POM121: variants seen among roughly 807,000 people sequenced by gnomAD.
POM121 encodes the protein nuclear envelope pore membrane protein POM 121.
In POM121, 32 loss-of-function variants were observed where a neutral mutation model predicts 81.3. The observed-to-expected ratio is 0.39, with a 90% CI of 0.30 to 0.53. The LOEUF (loss-of-function observed/expected upper bound fraction) is 0.53, where lower values mean the gene tolerates loss of function less well. POM121 is among the 20% of genes least tolerant of loss of function. POM121 has a pLI of 0.66. For synonymous variants in POM121, 514 were observed against 694.2 expected (o/e 0.74, Z 4.08); for missense variants, 1,138 against 1,614.6 (o/e 0.70, Z 5.06).
upstream of POM121, among the ~76,000 whole-genome samples, chr7:72,923,602 T>C (rs1338672159): frequency 7.5e-6 from 1 of 133,488 alleles, no homozygotes; most frequent in African/African-American, 2.8e-5. Flanking sequence ...TTTTTTTTTT[T>C]TTTTTTTTTT....
At chr7:72,900,979 C>T (rs1792569478) in intron 3 of POM121, among the ~76,000 whole-genome samples, 1 of 150,850 alleles carries the variant, frequency 6.6e-6, no homozygotes. Context: ...CTGCATCTCA[C>T]AGAATTTGGC....
In POM121 at chr7:72,942,275, C is replaced by G. The variant is rs1554501449; in HGVS notation, c.2282C>G (p.Pro761Arg). Residue 761 changes from proline to arginine, a missense_variant, in exon 11 of 13, where the codon CCC becomes CGC. Physicochemically the swap from Pro to Arg is moderately radical, Grantham distance 103 (BLOSUM62 -2). Coordinates refer to ENST00000434423, the MANE Select transcript of POM121 (RefSeq NM_001387691.1). Reference protein sequence around the residue: ...TATAPSSSSLPTTTSTTAPTF... With the variant: ...TATAPSSSSLRTTTSTTAPTF... ...ACAGCGCCCTCCAGCTCCTCCCTCC[C>G]CACGACCACCAGCACCACAGCCCCG... 3.1e-6 allele frequency: 5 copies of G among 1,608,064 alleles called. No homozygotes were observed. The South Asian group carries it at 3.3e-5, about 11-fold the overall frequency.
At chr7:72,902,116 AAAAC>A (rs1792715674) in intron 3 of POM121, among the ~76,000 whole-genome samples, 1 of 151,946 alleles carries the variant, frequency 6.6e-6, no homozygotes, top group African/African-American at 2.4e-5. Context: ...CATGAAAAAA[AAAAC>A]AAAAAACAAA....
At chr7:72,879,744 C>T in exon 1 of POM121, 1 of 477,332 alleles carries the variant, frequency 2.1e-6, no homozygotes, top group Non-Finnish European at 4.1e-6. Flanking sequence ...GCCCCGTAGG[C>T]CCGGCCCGGG....
rs1354088149 is a variant in POM121 at position 72,940,589 on chromosome 7, G to GA, written c.1666+79dup. 7.4e-4 allele frequency: 426 copies of GA among 579,468 alleles called. 3 individuals are homozygous for GA. In the African/African-American group the frequency reaches 7.8e-3, roughly 11 times the overall value. The allele number at this position is 579,468 out of a possible 1,614,324, so 35.9% of individuals were successfully genotyped here. A position where few individuals can be genotyped will look rare whatever the true frequency, so the allele number is the denominator to read the frequency against. On this transcript the variant is annotated intron_variant, in intron 9 of 12. Transcript: ENST00000434423. ...TTTCTTTGGTTTTATTTTGGTGTTT[G>GA]AAAAAATGGGTTTCTCTGGGAAAAT...
At chr7:72,950,780 G>A (rs1797983628), downstream of POM121, 1 of 61,080 alleles carries the variant, frequency 1.6e-5, no homozygotes. Flanking sequence ...ACAAGCAGCC[G>A]TTCTCTGCTA....
At chr7:72,898,006 AAG>A (rs1792142820) in intron 3 of POM121, among the ~76,000 whole-genome samples, 1 of 152,148 alleles carries the variant, frequency 6.6e-6, no homozygotes, top group African/African-American at 2.4e-5. Flanking sequence ...GCAACAGAGC[AAG>A]ACCCTGTCTA....
intron 11 of POM121, among the ~76,000 whole-genome samples, chr7:72,945,189 G>T (rs376208786): frequency 3.9e-5 from 6 of 152,004 alleles, no homozygotes; most frequent in African/African-American, 1.5e-4. Context: ...CAAAAGACGC[G>T]GGACGGACAA....
Position 72,925,634 on chromosome 7 carries a change from G to A in POM121, c.513G>A (p.Ala171=), listed in dbSNP as rs1795340812. ...GCCGCCGCCCACCTGCCCGCCCGGC[G>A]CCGCGCTCCCCACCGCCGCGCTCCC... ...RPGRRPPARP[A]PRSPPPRSPP... Residue 171 remains alanine (A), a synonymous_variant, in exon 1 of 13, where the codon GCG becomes GCA. Coordinates refer to ENST00000434423, the MANE Select transcript of POM121 (RefSeq NM_001387691.1). 9 of 1,043,206 alleles carry A rather than the reference G, an allele frequency of 8.6e-6. No homozygotes were observed. In the East Asian group the frequency reaches 3.1e-4, roughly 36 times the overall value. The allele number at this position is 1,043,206 out of a possible 1,614,324, so 64.6% of individuals were successfully genotyped here. A position where few individuals can be genotyped will look rare whatever the true frequency, so the allele number is the denominator to read the frequency against.
chr7:72,921,222 C>T (rs185786098), upstream of POM121, among the ~76,000 whole-genome samples: 3 of 152,162 alleles, frequency 2.0e-5, no homozygotes, highest in African/African-American at 7.2e-5. Flanking sequence ...AAAAGACTAC[C>T]TCATCCAGAA....
chr7:72,879,499 G>T, exon 1 of POM121: 2 of 250,358 alleles, frequency 8.0e-6, no homozygotes, highest in South Asian at 7.1e-5. Context: ...GAGCTGTGCG[G>T]CCCAGGGTTC....
At chr7:72,920,859 G>C (rs1368485832), upstream of POM121, among the ~76,000 whole-genome samples, 15 of 152,074 alleles carry the variant, frequency 9.9e-5, no homozygotes, top group African/African-American at 3.6e-4. Flanking sequence ...TTTCCAGTCT[G>C]ACTTGTGGTG....
chr7:72,893,790 C>T (rs1200210331), intron 3 of POM121, among the ~76,000 whole-genome samples: 9 of 152,114 alleles, frequency 5.9e-5, no homozygotes, highest in Admixed American at 1.3e-4. Context: ...CATCTTCATC[C>T]CTACTTACTG....
At chr7:72,894,679 G>GAGAA in intron 3 of POM121, among the ~76,000 whole-genome samples, 1 of 139,070 alleles carries the variant, frequency 7.2e-6, no homozygotes, top group Non-Finnish European at 1.6e-5. Context: ...GAGAGAGAGA[G>GAGAA]AGATCTCCGT....
At chr7:72,904,290 T>G (rs1272620977) in intron 3 of POM121, among the ~76,000 whole-genome samples, 1 of 152,190 alleles carries the variant, frequency 6.6e-6, no homozygotes, top group African/African-American at 2.4e-5. Context: ...TACCCGAATT[T>G]CCCATAGAAA....
intron 3 of POM121, among the ~76,000 whole-genome samples, chr7:72,902,364 G>A (rs1193897937): frequency 3.4e-5 from 5 of 148,282 alleles, no homozygotes; most frequent in Non-Finnish European, 7.4e-5. Context: ...CTGGGTTCAA[G>A]CAATACTCCT....
At chr7:72,880,193 C>T (rs1374166511) in intron 1 of POM121, among the ~76,000 whole-genome samples, 2 of 152,198 alleles carry the variant, frequency 1.3e-5, no homozygotes, top group Admixed American at 1.3e-4. Context: ...TCTAAACGTC[C>T]GTCAGCACTT....
intron 3 of POM121, among the ~76,000 whole-genome samples, chr7:72,901,714 G>A (rs1232826776): frequency 6.6e-6 from 1 of 151,696 alleles, no homozygotes; most frequent in Non-Finnish European, 1.5e-5. Context: ...GTGTTGCCAG[G>A]CTGGTCTTGA....
intron 3 of POM121, among the ~76,000 whole-genome samples, chr7:72,908,105 AT>A (rs1425360132): frequency 3.9e-5 from 6 of 152,098 alleles, no homozygotes; most frequent in African/African-American, 1.4e-4. Context: ...AGTTATTGTA[AT>A]TTCTAGTTCT....
Sources: allele counts gnomAD v4.1 joint callset (sites outside exome capture counted in the v4.1 genomes callset), GRCh38; gene constraint gnomAD v4.1.1; transcripts MANE v1.5; gene names NCBI Gene and HGNC (gene_info 2026-07-23, HGNC 2026-07-21).